The following FRMPD2 variants were observed in gnomAD, a reference collection of about 807,000 sequenced individuals.
The protein encoded by FRMPD2 is FERM and PDZ domain-containing protein 2.
In FRMPD2, 96 loss-of-function variants were observed where a neutral mutation model predicts 140.1. The observed-to-expected ratio is 0.69, with a 90% CI of 0.58 to 0.81. The LOEUF is 0.81. FRMPD2 is among the 40% of genes least tolerant of loss of function. FRMPD2 has a pLI of 0.00. For synonymous variants in FRMPD2, 449 were observed against 547.6 expected, an observed-to-expected ratio of 0.82 and a Z score of 2.52; for missense variants, 1,240 against 1,447.4, an observed-to-expected ratio of 0.86 and a Z score of 2.32.
chr10:48,212,272 C>T (rs75867102), intron 12 of FRMPD2, among the ~76,000 whole-genome samples, 163 bp from the exon 13 acceptor site: 5,225 of 152,242 alleles, frequency 0.034, 111 homozygotes, highest in Non-Finnish European at 0.042. Context: ...ATATTAAAAA[C>T]GGGGCCAAAC....
intron 16 of FRMPD2, among the ~76,000 whole-genome samples, chr10:48,188,842 G>C (rs2131843601): frequency 6.6e-6 from 1 of 152,306 alleles, no homozygotes; most frequent in East Asian, 1.9e-4. Context: ...AGTCACAAAA[G>C]GATGAAATGT....
At chr10:48,269,630 T>C (rs1329772147) in intron 1 of FRMPD2, among the ~76,000 whole-genome samples, 1 of 152,164 alleles carries the variant, frequency 6.6e-6, no homozygotes, top group Non-Finnish European at 1.5e-5. Flanking sequence ...CTAATGCAGG[T>C]TGAGAAGTGG....
intron 1 of FRMPD2, among the ~76,000 whole-genome samples, chr10:48,258,842 C>A (rs1564442526): frequency 6.6e-6 from 1 of 152,118 alleles, no homozygotes; most frequent in Non-Finnish European, 1.5e-5. Flanking sequence ...AAGTTAGTAT[C>A]ATCAGATGTA....
intron 27 of FRMPD2, among the ~76,000 whole-genome samples, chr10:48,164,206 A>T (rs2132392277): frequency 6.6e-6 from 1 of 150,760 alleles, no homozygotes; most frequent in Admixed American, 6.6e-5. Flanking sequence ...CCTTCTACAG[A>T]AAAACAATCT....
At chr10:48,212,885 G>T (rs942483954) in intron 12 of FRMPD2, among the ~76,000 whole-genome samples, 1 of 152,158 alleles carries the variant, frequency 6.6e-6, no homozygotes, top group South Asian at 2.1e-4. Context: ...GTGATCTTGA[G>T]GTCCACTATA....
In FRMPD2 at chr10:48,274,410, A is replaced by G; in HGVS notation, c.25+133T>C. ...CCTGGAACAAATAATACTCCAAATAATACCACAAAGGGCACTGACACAGGT... is the reference window on the plus strand; with the variant it reads ...CCTGGAACAAATAATACTCCAAATAGTACCACAAAGGGCACTGACACAGGT... On this transcript the variant is annotated intron_variant, in intron 1 of 28. Transcript: ENST00000374201. 6.6e-6 allele frequency: 5 copies of G among 760,662 alleles called. No homozygotes were observed. The South Asian group carries it at 8.3e-5, about 13-fold the overall frequency. 47.1% of individuals were successfully genotyped at this position (760,662 alleles called of 1,614,324 possible).
At chr10:48,210,965 C>G (rs911215572) in intron 13 of FRMPD2, among the ~76,000 whole-genome samples, 1 of 152,252 alleles carries the variant, frequency 6.6e-6, no homozygotes, top group Admixed American at 6.5e-5. Flanking sequence ...GGGGAAGCTG[C>G]GAGTGTCCTC....
At position 48,212,129 on chromosome 10, in the gene FRMPD2, G is replaced by A; in HGVS notation, c.1456-20C>T. The A allele has an allele frequency of 6.2e-7, 1 of 1,613,226 alleles. No homozygotes were observed. Among genetic ancestry groups the A allele is most frequent in the Non-Finnish European group, 8.5e-7 (1 of 1,179,370 alleles). The stretch of plus-strand genomic sequence containing the variant: ...CACCTGCTGGAAGTAAGATGTAGAA[G>A]GGAAGGGCACAATCCAGACACTGGC... On this transcript the variant is annotated intron_variant, in intron 12 of 28. Transcript: ENST00000374201.
At chr10:48,210,618 T>C (rs1839297791) in intron 13 of FRMPD2, among the ~76,000 whole-genome samples, 1 of 152,138 alleles carries the variant, frequency 6.6e-6, no homozygotes, top group African/African-American at 2.4e-5. Flanking sequence ...TCCCCACTGG[T>C]CCCTCATCAA....
At chr10:48,237,485 C>T (rs934720724) in intron 8 of FRMPD2, among the ~76,000 whole-genome samples, 18 of 152,158 alleles carry the variant, frequency 1.2e-4, no homozygotes, top group African/African-American at 4.3e-4. Flanking sequence ...ATTTGGAGCT[C>T]AGCTCAGTCA....
At chr10:48,268,279 G>A (rs1004486246) in intron 1 of FRMPD2, among the ~76,000 whole-genome samples, 2 of 152,324 alleles carry the variant, frequency 1.3e-5, no homozygotes, top group African/African-American at 4.8e-5. Flanking sequence ...TAAGTTGATG[G>A]TGGGAATGTA....
chr10:48,212,211 C>T, intron 12 of FRMPD2, 102 bp from the exon 13 acceptor site: 2 of 1,220,062 alleles, frequency 1.6e-6, no homozygotes, highest in Non-Finnish European at 2.3e-6. Flanking sequence ...CAGGAGGGCG[C>T]CAGAGAAAGA....
At chr10:48,177,896 C>A in intron 22 of FRMPD2, 151 bp downstream of exon 22, 1 of 554,212 alleles carries the variant, frequency 1.8e-6, no homozygotes, top group Admixed American at 2.8e-5. Flanking sequence ...AACTCATCCC[C>A]CAGTGCAGGC....
At chr10:48,201,558 C>T (rs1426332907) in intron 14 of FRMPD2, 174 bp from the exon 15 acceptor site, 8 of 524,266 alleles carry the variant, frequency 1.5e-5, no homozygotes, top group Admixed American at 1.0e-4. Context: ...TAAAGAAAAT[C>T]CCTCTTTTTA....
intron 12 of FRMPD2, among the ~76,000 whole-genome samples, chr10:48,220,222 A>C (rs1031567695): frequency 6.6e-6 from 1 of 152,232 alleles, no homozygotes; most frequent in Non-Finnish European, 1.5e-5. Flanking sequence ...ACAGCATGGT[A>C]CTGGTATAAA....
chr10:48,214,708 G>A (rs987758359), intron 12 of FRMPD2, among the ~76,000 whole-genome samples: 5 of 152,088 alleles, frequency 3.3e-5, no homozygotes, highest in African/African-American at 7.2e-5. Flanking sequence ...AAAGCTCTGC[G>A]GTCAAGTACA....
At chr10:48,224,380 T>C (rs948459401) in intron 10 of FRMPD2, among the ~76,000 whole-genome samples, 4 of 152,034 alleles carry the variant, frequency 2.6e-5, no homozygotes, top group African/African-American at 9.7e-5. Flanking sequence ...GGCACAGGAG[T>C]CCTGCCCAGT....
At chr10:48,271,598 A>G (rs1218533196) in intron 1 of FRMPD2, among the ~76,000 whole-genome samples, 1 of 152,208 alleles carries the variant, frequency 6.6e-6, no homozygotes, top group East Asian at 1.9e-4. Flanking sequence ...TGATAGCTCA[A>G]GCAAATACAG....
intron 2 of FRMPD2, 98 bp downstream of exon 2, chr10:48,251,468 G>A: frequency 6.9e-7 from 1 of 1,448,862 alleles, no homozygotes; most frequent in Non-Finnish European, 9.4e-7. Flanking sequence ...TGCTCTCAGA[G>A]GTTGATTTAA....
Sources: gnomAD v4.1 joint callset for allele counts (sites outside exome capture counted in the v4.1 genomes callset) on GRCh38, gnomAD v4.1.1 for gene constraint, MANE v1.5 for transcripts, NCBI Gene and HGNC (gene_info 2026-07-23, HGNC 2026-07-21) for gene names.